The following VPS13C variants were observed in gnomAD, a reference collection of about 807,000 sequenced individuals.
The protein encoded by VPS13C is intermembrane lipid transfer protein VPS13C.
In VPS13C, 358 loss-of-function variants were observed where a neutral mutation model predicts 456.8. That is an observed-to-expected ratio of 0.78 (90% confidence interval 0.72 to 0.86). The LOEUF (loss-of-function observed/expected upper bound fraction) is 0.86, where lower values mean the gene tolerates loss of function less well. VPS13C is among the 40% of genes least tolerant of loss of function. The pLI, the probability that VPS13C is intolerant of heterozygous loss-of-function variation, is 0.00. For synonymous variants in VPS13C, 1,578 were observed against 1,486.7 expected (o/e 1.06, Z -1.41); for missense variants, 4,818 against 4,385.4 (o/e 1.10, Z -2.79).
At chr15:62,039,905 C>T (rs191164203) in intron 3 of VPS13C, among the ~76,000 whole-genome samples, 6 of 152,244 alleles carry the variant, frequency 3.9e-5, no homozygotes, top group African/African-American at 1.2e-4. Context: ...GATACCTATA[C>T]TCTCATGTTT....
chr15:61,918,065 G>A (rs926085728), intron 59 of VPS13C, 71 bp downstream of exon 59: 4 of 1,447,842 alleles, frequency 2.8e-6, no homozygotes, highest in African/African-American at 1.5e-5. Flanking sequence ...ATAAAAATAT[G>A]AAGTTATTTG....
At chr15:62,050,143 G>A (rs1192501628) in intron 1 of VPS13C, among the ~76,000 whole-genome samples, 1 of 152,056 alleles carries the variant, frequency 6.6e-6, no homozygotes, top group African/African-American at 2.4e-5. Context: ...CACTCTATGT[G>A]TCTAATCCTT....
In VPS13C at chr15:62,012,180, G is replaced by A. The variant is rs766519559; in HGVS notation, c.826-16C>T. 31 of 1,465,168 alleles carry A rather than the reference G, an allele frequency of 2.1e-5. No homozygotes were observed. Among genetic ancestry groups the A allele is most frequent in the Non-Finnish European group, 2.8e-5 (29 of 1,053,756 alleles). The allele number at this position is 1,465,168 out of a possible 1,614,324, so 90.8% of individuals were successfully genotyped here. A position where few individuals can be genotyped will look rare whatever the true frequency, so the allele number is the denominator to read the frequency against. ...TCAGCTGATCCTAAACAAAAAATTT[G>A]AATGAGAATGAAAAAGAAAATGCAC... On this transcript the variant is annotated splice_polypyrimidine_tract_variant and intron_variant, in intron 11 of 84. Transcript: ENST00000644861.
chr15:61,918,983 C>T (rs982452241), intron 58 of VPS13C, among the ~76,000 whole-genome samples: 7 of 152,094 alleles, frequency 4.6e-5, no homozygotes, highest in African/African-American at 1.2e-4. Flanking sequence ...CAATAATCCT[C>T]GGTTCTGAAT....
chr15:61,944,752 T>G (rs185746224), intron 45 of VPS13C, among the ~76,000 whole-genome samples: 1 of 152,270 alleles, frequency 6.6e-6, no homozygotes, highest in Admixed American at 6.5e-5. Context: ...AGCCTGCCCA[T>G]GTATGCCCTG....
At chr15:61,859,513 T>G (rs1353332844) in intron 82 of VPS13C, among the ~76,000 whole-genome samples, 2 of 152,158 alleles carry the variant, frequency 1.3e-5, no homozygotes, top group Admixed American at 6.5e-5. Context: ...CATTCCACAC[T>G]GATCTTACTG....
At position 62,014,017 on chromosome 15, in the gene VPS13C, T is replaced by G. The variant is rs780141418; in HGVS notation, c.685-25A>C. 10 of 1,577,844 alleles carry G rather than the reference T, an allele frequency of 6.3e-6. No individual in the cohort carries two copies. The South Asian group carries it at 1.1e-4, about 18-fold the overall frequency. ...TCTAAAAGAAAAAAGGGAATACCTG[T>G]GAAACGTGGTATGGATGTCATTAAT... On this transcript the variant is annotated intron_variant, in intron 9 of 84. Coordinates refer to ENST00000644861, the MANE Select transcript of VPS13C (RefSeq NM_020821.3).
chr15:61,876,036 T>C (rs1161777407), intron 75 of VPS13C, among the ~76,000 whole-genome samples, 191 bp from the exon 76 acceptor site: 1 of 152,052 alleles, frequency 6.6e-6, no homozygotes, highest in Non-Finnish European at 1.5e-5. Context: ...TAAACAGCTT[T>C]TAAATTAGAC....
chr15:61,880,578 C>A, intron 73 of VPS13C, 31 bp downstream of exon 73: 16 of 1,451,326 alleles, frequency 1.1e-5, no homozygotes, highest in Non-Finnish European at 1.5e-5. Flanking sequence ...AATAATTTCA[C>A]TAAATTTTCA....
chr15:61,941,785 G>A lies in VPS13C; in HGVS notation c.5431C>T (p.Leu1811Phe), dbSNP rs553190634. 1 of 1,612,420 alleles carries A rather than the reference G, an allele frequency of 6.2e-7. No homozygotes were observed. The highest frequency in any genetic ancestry group is 1.3e-5 in the African/African-American group (1 of 75,022). The change falls in exon 46 of 85, where the codon CTC (leucine) becomes TTC (phenylalanine). Residue 1811 changes from leucine (L) to phenylalanine (F), a missense_variant. Physicochemically the swap from Leu to Phe is conservative, Grantham distance 22 (BLOSUM62 0). Coordinates refer to ENST00000644861, the MANE Select transcript of VPS13C (RefSeq NM_020821.3). ...PPVIDKMNIE[L>F]TQLKLSRTIL... ...TACCTTGACAGCTTCAACTGAGTGA[G>A]TTCGATGTTCATTTTATCAATGACT...
intron 82 of VPS13C, 28 bp from the exon 83 acceptor site, chr15:61,856,437 A>G (rs1440850180): frequency 2.5e-6 from 4 of 1,609,604 alleles, no homozygotes; most frequent in Admixed American, 1.7e-5. Flanking sequence ...ACAAAAACTT[A>G]CAGTAAATGA....
chr15:62,057,955 G>C (rs900403351), intron 1 of VPS13C, among the ~76,000 whole-genome samples: 2 of 152,090 alleles, frequency 1.3e-5, no homozygotes, highest in African/African-American at 2.4e-5. Flanking sequence ...TGGAACCTCT[G>C]ACTATATCCA....
At chr15:61,946,137 G>T (rs1268312575) in intron 44 of VPS13C, among the ~76,000 whole-genome samples, 170 bp downstream of exon 44, 1 of 152,064 alleles carries the variant, frequency 6.6e-6, no homozygotes, top group Non-Finnish European at 1.5e-5. Flanking sequence ...GTATCAAGAG[G>T]CCTAGTCTAT....
At chr15:61,897,506 T>C (rs192929044) in intron 66 of VPS13C, among the ~76,000 whole-genome samples, 30 of 152,106 alleles carry the variant, frequency 2.0e-4, no homozygotes, top group Admixed American at 5.2e-4. Flanking sequence ...GTATCAGCGA[T>C]GGAAGATGAA....
chr15:61,906,944 A>G, intron 66 of VPS13C: 1 of 274,032 alleles, frequency 3.6e-6, no homozygotes, highest in Non-Finnish European at 7.0e-6. Context: ...TGGCATAGGT[A>G]TGTTCAAAAT....
At chr15:61,958,329 T>A (rs527994479) in intron 37 of VPS13C, among the ~76,000 whole-genome samples, 1 of 152,054 alleles carries the variant, frequency 6.6e-6, no homozygotes, top group Non-Finnish European at 1.5e-5. Context: ...ATTTCAATGA[T>A]TATTTCAAGA....
At chr15:61,926,231 C>A (rs1053572560) in intron 52 of VPS13C, among the ~76,000 whole-genome samples, 2 of 152,092 alleles carry the variant, frequency 1.3e-5, no homozygotes, top group African/African-American at 2.4e-5. Flanking sequence ...AGACCCCCTT[C>A]TCTACAAAAA....
chr15:61,921,827 A>G, intron 55 of VPS13C, 120 bp downstream of exon 55: 1 of 897,056 alleles, frequency 1.1e-6, no homozygotes, highest in Non-Finnish European at 1.7e-6. Context: ...GACCTCATGG[A>G]CAGAGCCCTT....
chr15:61,882,817 A>G (rs1343959123), intron 68 of VPS13C, 81 bp from the exon 69 acceptor site: 2 of 1,390,240 alleles, frequency 1.4e-6, no homozygotes, highest in East Asian at 5.0e-5. Context: ...TTTATTGATC[A>G]AATTGAAAAA....
Sources: gnomAD v4.1 joint callset for allele counts (sites outside exome capture counted in the v4.1 genomes callset) on GRCh38, gnomAD v4.1.1 for gene constraint, MANE v1.5 for transcripts, NCBI Gene and HGNC (gene_info 2026-07-23, HGNC 2026-07-21) for gene names.